Variants in NBPF8 observed in about 807,000 individuals in gnomAD.
The protein encoded by NBPF8 is NBPF member 8, also known as NBPF family member NBPF8.
intron 3 of NBPF8, among the ~76,000 whole-genome samples, chr1:120,428,638 G>A (rs2101537755): frequency 6.6e-6 from 1 of 152,306 alleles, no homozygotes; most frequent in African/African-American, 2.4e-5. Context: ...GGACAAATGA[G>A]CAGCCGACAG....
At chr1:120,415,346 G>A (rs1557924228), upstream of NBPF8, among the ~76,000 whole-genome samples, 4 of 152,052 alleles carry the variant, frequency 2.6e-5, no homozygotes, top group South Asian at 8.3e-4. Flanking sequence ...GTCGAGCTGC[G>A]GCTGTCGCAA....
intron 1 of NBPF8, among the ~76,000 whole-genome samples, chr1:120,421,252 C>CTATTACAAT (rs1660566697): frequency 6.6e-6 from 1 of 152,210 alleles, no homozygotes; most frequent in African/African-American, 2.4e-5. Context: ...AGTAGTGCGT[C>CTATTACAAT]TGTCTCCAAT....
chr1:120,435,804 T>G (rs1661056822), upstream of NBPF8, among the ~76,000 whole-genome samples: 1 of 151,496 alleles, frequency 6.6e-6, no homozygotes. Context: ...AGGCAGAGCT[T>G]GCAGTGAGCC....
intron 13 of NBPF8, among the ~76,000 whole-genome samples, chr1:120,452,819 A>G (rs1193426776): frequency 6.6e-6 from 1 of 152,184 alleles, no homozygotes; most frequent in African/African-American, 2.4e-5. Context: ...AAATGAGATG[A>G]AGGCCCTCGC....
Position 120,420,393 on chromosome 1 carries a change from C to A in NBPF8, n.269+275C>A, listed in dbSNP as rs1290551556. On this transcript the variant is annotated intron_variant and non_coding_transcript_variant, in intron 1 of 28. Coordinates refer to the NBPF8 transcript ENST00000652355. ...TTTTCCTTAGTAGCTAGATCTACAT[C>A]CCACTCCTTGCTCTTCCCCTCTTAC... is the stretch of plus-strand genomic sequence containing the variant. 1.9e-4 allele frequency among the ~76,000 whole-genome samples: 25 copies of A among 134,684 alleles called. No homozygotes were observed. In the Middle Eastern group the frequency reaches 0.011, roughly 60 times the overall value. 88.4% of individuals were successfully genotyped at this position (134,684 alleles called of 152,430 possible).
At chr1:120,450,340 G>C (rs1553248625) in intron 11 of NBPF8, among the ~76,000 whole-genome samples, 1 of 151,980 alleles carries the variant, frequency 6.6e-6, no homozygotes, top group East Asian at 1.9e-4. Context: ...GAGGAAGAAA[G>C]ATCCCACCCG....
chr1:120,418,558 T>A (rs112356985), upstream of NBPF8, among the ~76,000 whole-genome samples: 3,863 of 151,910 alleles, frequency 0.025, 45 homozygotes, highest in African/African-American at 0.039. Flanking sequence ...GAACAATTTT[T>A]TTTTTTTCTT....
chr1:120,454,081 G>T, exon 15 of NBPF8: 4 of 1,613,216 alleles, frequency 2.5e-6, no homozygotes, highest in Non-Finnish European at 3.4e-6. Context: ...ATCCTCTCAT[G>T]TTGAATGGGA....
chr1:120,436,255 C>T (rs2101616698), upstream of NBPF8: 1 of 674,722 alleles, frequency 1.5e-6, no homozygotes. Context: ...ACGCTGGCCA[C>T]AATCTACCTC....
intron 11 of NBPF8, among the ~76,000 whole-genome samples, chr1:120,450,464 G>C (rs1280114941): frequency 6.6e-6 from 1 of 152,016 alleles, no homozygotes; most frequent in Non-Finnish European, 1.5e-5. Context: ...CCTGTTCAGA[G>C]GGTACTACAA....
upstream of NBPF8, among the ~76,000 whole-genome samples, chr1:120,434,227 AAT>A (rs1172521758): frequency 1.4e-5 from 2 of 145,226 alleles, no homozygotes; most frequent in Admixed American, 1.4e-4. Context: ...AAAAGAAAAA[AAT>A]ATATATATAT....
At chr1:120,425,137 G>A (rs1171328777) in intron 1 of NBPF8, among the ~76,000 whole-genome samples, 1 of 151,956 alleles carries the variant, frequency 6.6e-6, no homozygotes, top group Admixed American at 6.6e-5. Context: ...CGTGGGAAGG[G>A]AAAGACCTGA....
At chr1:120,434,203 G>A (rs1451475513), upstream of NBPF8, among the ~76,000 whole-genome samples, 3 of 149,728 alleles carry the variant, frequency 2.0e-5, no homozygotes, top group South Asian at 4.2e-4. Flanking sequence ...AGTAGCCCTC[G>A]CTCCGCCACT....
At chr1:120,460,945 G>C (rs1240089215) in intron 18 of NBPF8, among the ~76,000 whole-genome samples, 239 of 151,790 alleles carry the variant, frequency 1.6e-3, no homozygotes, top group African/African-American at 5.5e-3. Flanking sequence ...TGTGTGTCCT[G>C]AGAGCACAAA....
intron 3 of NBPF8, among the ~76,000 whole-genome samples, chr1:120,428,397 A>G (rs1660781694): frequency 6.6e-6 from 1 of 152,142 alleles, no homozygotes; most frequent in Non-Finnish European, 1.5e-5. Flanking sequence ...GAACATTTGG[A>G]GGTAATTCAG....
chr1:120,434,037 G>A (rs1395167963), upstream of NBPF8: 467 of 156,042 alleles, frequency 3.0e-3, 5 homozygotes, highest in African/African-American at 0.011. Flanking sequence ...GGTCCCGTCC[G>A]CCACGAGGCT....
At chr1:120,466,266 C>T in exon 25 of NBPF8, 1 of 1,600,326 alleles carries the variant, frequency 6.2e-7, no homozygotes, top group Non-Finnish European at 8.5e-7. Flanking sequence ...CAGGCAGGAC[C>T]TATAGGCGCC....
At chr1:120,469,154 G>T (rs1479935599), downstream of NBPF8, among the ~76,000 whole-genome samples, 488 of 90,754 alleles carry the variant, frequency 5.4e-3, 6 homozygotes, top group African/African-American at 0.022. Context: ...CCAATCTCGT[G>T]GCTGAACTTG....
chr1:120,419,175 A>G (rs1660505271), upstream of NBPF8, among the ~76,000 whole-genome samples: 1 of 152,278 alleles, frequency 6.6e-6, no homozygotes, highest in African/African-American at 2.4e-5. Context: ...GCTTGTATAC[A>G]GCAGAGTCAC....
Sources: gnomAD v4.1 joint callset for allele counts (sites outside exome capture counted in the v4.1 genomes callset) on GRCh38, gnomAD v4.1.1 for gene constraint, MANE v1.5 for transcripts, NCBI Gene and HGNC (gene_info 2026-07-23, HGNC 2026-07-21) for gene names.